CTNND1: variants seen among roughly 807,000 people sequenced by gnomAD.
CTNND1 encodes the protein catenin delta 1.
In CTNND1, 16 loss-of-function variants were observed where a neutral mutation model predicts 112.1. The observed-to-expected ratio is 0.14, with a 90% CI of 0.10 to 0.22. CTNND1 has a LOEUF of 0.22. CTNND1 is among the 10% of genes least tolerant of loss of function. The pLI, the probability that CTNND1 is intolerant of heterozygous loss-of-function variation, is 1.00. For missense variants in CTNND1, 1,008 were observed against 1,257.0 expected (o/e 0.80, Z 3.00); for synonymous variants, 420 against 446.5 (o/e 0.94, Z 0.75).
chr11:57,769,335 C>A (rs1951979525), intron 1 of CTNND1, among the ~76,000 whole-genome samples: 1 of 150,988 alleles, frequency 6.6e-6, no homozygotes, highest in Non-Finnish European at 1.5e-5. Flanking sequence ...AAAAAAAAAA[C>A]AGAGAGACAG....
intron 1 of CTNND1, among the ~76,000 whole-genome samples, chr11:57,772,319 C>G (rs1952878577): frequency 6.6e-6 from 1 of 152,012 alleles, no homozygotes; most frequent in Non-Finnish European, 1.5e-5. Context: ...GAGTGACAGC[C>G]TAGACCTGTA....
intron 1 of CTNND1, among the ~76,000 whole-genome samples, chr11:57,785,635 C>T (rs1176935652): frequency 1.3e-5 from 2 of 151,872 alleles, no homozygotes; most frequent in Admixed American, 6.6e-5. Context: ...CTGCAACCTC[C>T]GCCTCCCGGG....
chr11:57,791,439 CT>C lies in CTNND1; in HGVS notation c.-35del. On this transcript the variant is annotated 5_prime_UTR_variant, in exon 3 of 21. Transcript: ENST00000399050. ...TCTCCTTCCTCTGTGATTCACCTTCCTTTTTACCCTGCCCTGCGGCGGCTCC... is the reference window on the plus strand; with the variant it reads ...TCTCCTTCCTCTGTGATTCACCTTCCTTTTACCCTGCCCTGCGGCGGCTCC... The C allele has an allele frequency of 1.4e-6, 2 of 1,399,342 alleles. No homozygotes were observed. The highest frequency in any genetic ancestry group is 3.3e-5 in the Admixed American group (1 of 30,408). 86.7% of individuals were successfully genotyped at this position (1,399,342 alleles called of 1,614,324 possible). A position where few individuals can be genotyped will look rare whatever the true frequency, so the allele number is the denominator to read the frequency against.
intron 6 of CTNND1, among the ~76,000 whole-genome samples, chr11:57,798,046 T>C (rs2061557375): frequency 6.6e-6 from 1 of 151,822 alleles, no homozygotes; most frequent in African/African-American, 2.4e-5. Context: ...TAGTTTCTGA[T>C]TTGGTATTAA....
intron 4 of CTNND1, among the ~76,000 whole-genome samples, chr11:57,794,420 C>G (rs183062763): frequency 6.6e-6 from 1 of 152,252 alleles, no homozygotes; most frequent in East Asian, 1.9e-4. Context: ...GCCTTTTAGA[C>G]GGTATCTGAA....
At chr11:57,796,314 A>G (rs973051720) in intron 5 of CTNND1, 143 bp from the exon 6 acceptor site, 14 of 717,458 alleles carry the variant, frequency 2.0e-5, no homozygotes, top group Middle Eastern at 3.4e-4. Context: ...TGAACCTGGG[A>G]GGCAGAGGTT....
intron 1 of CTNND1, among the ~76,000 whole-genome samples, chr11:57,780,005 C>A (rs973282783): frequency 2.7e-5 from 4 of 150,104 alleles, no homozygotes; most frequent in African/African-American, 9.8e-5. Flanking sequence ...TTCCCCTCTC[C>A]GTAAAAAAAA....
At position 57,817,517 on chromosome 11, in the gene CTNND1, AGAG is replaced by A. The variant is rs2064045600; in HGVS notation, c.*1210_*1212del. 1 of 152,692 alleles carries A rather than the reference AGAG, an allele frequency of 6.5e-6. No homozygotes were observed. Among genetic ancestry groups the A allele is most frequent in the Non-Finnish European group, 1.5e-5 (1 of 68,054 alleles). 9.5% of individuals were successfully genotyped at this position (152,692 alleles called of 1,614,324 possible). ...CTATTGGCCCTAAATAGCAGAAAGA[AGAG>A]AAGTGACCGAGAGAACCTCAGATTC... On this transcript the variant is annotated 3_prime_UTR_variant, in exon 21 of 21. Coordinates refer to ENST00000399050, the MANE Select transcript of CTNND1 (RefSeq NM_001085458.2).
chr11:57,801,975 T>A lies in CTNND1; in HGVS notation c.1199T>A (p.Val400Glu). The change falls in exon 7 of 21, where the codon GTG becomes GAG. Residue 400 changes from valine (V) to glutamate (E), a missense_variant. This residue lies in a region of CTNND1 where 216 missense variants were observed against 342.8 expected (regional missense o/e 0.63). Coordinates refer to ENST00000399050, the MANE Select transcript of CTNND1 (RefSeq NM_001085458.2). ...CACTTATGCTACCGCAATGACAAGG[T>A]GAAGACTGACGTGCGGAAGCTCAAG... ...LQHLCYRNDK[V>E]KTDVRKLKGI... The A allele has an allele frequency of 6.2e-7, 1 of 1,614,034 alleles. No homozygotes were observed. The highest frequency in any genetic ancestry group is 8.5e-7 in the Non-Finnish European group (1 of 1,179,892).
At chr11:57,790,562 T>TG (rs2060616984) in intron 2 of CTNND1, among the ~76,000 whole-genome samples, 1 of 141,848 alleles carries the variant, frequency 7.0e-6, no homozygotes, top group Non-Finnish European at 1.5e-5. Flanking sequence ...GTTTTTTTTT[T>TG]TTTTTTTTTT....
At position 57,761,971 on chromosome 11, in the gene CTNND1, T is replaced by A; in HGVS notation, c.-362T>A. ...GCGAAAAATCAACTGCCCTGCTGGA[T>A]TTGTCTTTCTCAGCACCTTGGCGAA... is the stretch of plus-strand genomic sequence containing the variant. On this transcript the variant is annotated 5_prime_UTR_variant, in exon 1 of 21. Transcript: ENST00000399050. 1 of 985,452 alleles carries A rather than the reference T, an allele frequency of 1.0e-6. No individual in the cohort carries two copies. The highest frequency in any genetic ancestry group is 1.2e-6 in the Non-Finnish European group (1 of 829,938). 61.0% of individuals were successfully genotyped at this position (985,452 alleles called of 1,614,324 possible).
intron 1 of CTNND1, among the ~76,000 whole-genome samples, chr11:57,770,349 A>T (rs1952251362): frequency 6.6e-6 from 1 of 151,714 alleles, no homozygotes; most frequent in South Asian, 2.1e-4. Flanking sequence ...AAATAAAAAA[A>T]AAAAAGAAAG....
chr11:57,803,268 C>T lies in CTNND1; in HGVS notation c.1421-353C>T, dbSNP rs569859731. Among the ~76,000 whole-genome samples the T allele has an allele frequency of 7.2e-5, 11 of 152,260 alleles. No individual in the cohort carries two copies. In the East Asian group the frequency reaches 1.4e-3, roughly 19 times the overall value. ...GACTACAGGTGCCCGCCACCACGCC[C>T]GGCTAATTTTTTGTATTTTTAGTGT... On this transcript the variant is annotated intron_variant, in intron 7 of 20. Transcript: ENST00000399050.
intron 1 of CTNND1, chr11:57,764,000 G>A (rs533824225): frequency 2.6e-5 from 4 of 152,148 alleles, no homozygotes; most frequent in African/African-American, 7.2e-5. Flanking sequence ...GTGATAAGAT[G>A]GAAGATTTGT....
At chr11:57,762,750 TAACTG>T (rs1216313450) in intron 1 of CTNND1, among the ~76,000 whole-genome samples, 1 of 152,206 alleles carries the variant, frequency 6.6e-6, no homozygotes, top group African/African-American at 2.4e-5. Flanking sequence ...GGAACCATGT[TAACTG>T]AATTGCCATC....
chr11:57,795,914 A>C (rs570657052), intron 5 of CTNND1, among the ~76,000 whole-genome samples, 185 bp downstream of exon 5: 2 of 152,208 alleles, frequency 1.3e-5, no homozygotes, highest in Non-Finnish European at 2.9e-5. Flanking sequence ...TAGGGAAGAC[A>C]GAAGGTATAT....
chr11:57,791,791 C>T, intron 3 of CTNND1, 118 bp downstream of exon 3: 1 of 1,146,720 alleles, frequency 8.7e-7, no homozygotes, highest in Non-Finnish European at 1.2e-6. Flanking sequence ...GCCCGTTCTT[C>T]CAGGGATTTT....
intron 1 of CTNND1, among the ~76,000 whole-genome samples, chr11:57,778,711 A>G (rs918617396): frequency 1.3e-5 from 2 of 152,228 alleles, no homozygotes; most frequent in Non-Finnish European, 2.9e-5. Flanking sequence ...AGAATCCAGC[A>G]CTTTGTATTT....
chr11:57,776,088 G>T (rs1397332648), intron 1 of CTNND1, among the ~76,000 whole-genome samples: 1 of 152,196 alleles, frequency 6.6e-6, no homozygotes, highest in Non-Finnish European at 1.5e-5. Context: ...GATGACAGAG[G>T]TTTCTTATTT....
Sources: gnomAD v4.1 joint callset for allele counts (sites outside exome capture counted in the v4.1 genomes callset) on GRCh38, gnomAD v4.1.1 for gene constraint, gnomAD v4.1.1 regional missense constraint, MANE v1.5 for transcripts, NCBI Gene and HGNC (gene_info 2026-07-23, HGNC 2026-07-21) for gene names.